Variants in NPAS3 observed in about 807,000 individuals in gnomAD.
NPAS3 encodes the protein neuronal PAS domain protein 3, also known as neuronal PAS domain-containing protein 3.
In NPAS3, 14 loss-of-function variants were observed where a neutral mutation model predicts 73.1. That is an observed-to-expected ratio of 0.19 (90% CI 0.13 to 0.30). NPAS3 has a LOEUF of 0.30. NPAS3 is among the 10% of genes least tolerant of loss of function. The pLI is 1.00. For synonymous variants in NPAS3, 620 were observed against 541.5 expected (o/e 1.14, Z -2.01); for missense variants, 1,096 against 1,250.0 (o/e 0.88, Z 1.86).
At chr14:33,251,444 G>A (rs1341857786) in intron 3 of NPAS3, among the ~76,000 whole-genome samples, 1 of 152,100 alleles carries the variant, frequency 6.6e-6, no homozygotes, top group African/African-American at 2.4e-5. Flanking sequence ...GGTGATGTCT[G>A]CACTGGGTAT....
At chr14:33,273,087 A>C (rs1272019861) in intron 3 of NPAS3, among the ~76,000 whole-genome samples, 1 of 152,012 alleles carries the variant, frequency 6.6e-6, no homozygotes, top group Non-Finnish European at 1.5e-5. Context: ...TGTGCCATTG[A>C]CTTCCTGATC....
intron 2 of NPAS3, among the ~76,000 whole-genome samples, chr14:33,128,747 T>C (rs1354478238): frequency 2.6e-5 from 4 of 152,136 alleles, no homozygotes; most frequent in Non-Finnish European, 5.9e-5. Flanking sequence ...ATTGAATACA[T>C]TGTGTTGCTT....
rs2059919129 is a variant in NPAS3 at position 33,680,936 on chromosome 14, A to AT, written c.733+4556dup. On this transcript the variant is annotated intron_variant, in intron 6 of 11. Transcript: ENST00000356141. ...TTAGGATCATCATTATAGTAGTATG[A>AT]TTTTTATGCTATTATACTTACGCTA... The AT allele has an allele frequency of 7.7e-6, 3 of 388,200 alleles. No homozygotes were observed. In the East Asian group the frequency reaches 1.3e-4, roughly 17 times the overall value. 24.0% of individuals were successfully genotyped at this position (388,200 alleles called of 1,614,324 possible).
At chr14:33,321,891 C>A (rs1455161290) in intron 3 of NPAS3, among the ~76,000 whole-genome samples, 1 of 152,036 alleles carries the variant, frequency 6.6e-6, no homozygotes, top group African/African-American at 2.4e-5. Context: ...GTCTCACAAA[C>A]AAAAATTCTG....
In NPAS3 at chr14:33,416,444, T is replaced by A. The variant is rs1358887829; in HGVS notation, c.468+49176T>A. On this transcript the variant is annotated intron_variant, in intron 4 of 11. Transcript: ENST00000356141. ...GTTTCTGGTAAGGGGTTTCTTTTTT[T>A]TTCTGTCTTAAATATCTTCAACACA... is the stretch of plus-strand genomic sequence containing the variant. 3.3e-5 allele frequency among the ~76,000 whole-genome samples: 5 copies of A among 152,048 alleles called. No homozygotes were observed. In the East Asian group the frequency reaches 9.7e-4, roughly 29 times the overall value.
intron 5 of NPAS3, among the ~76,000 whole-genome samples, chr14:33,652,883 TTCACCCCCATTTC>T (rs113113508): frequency 0.15 from 22,194 of 152,014 alleles, 1,909 homozygotes; most frequent in East Asian, 0.24. Context: ...GCTTGCTGTA[TTCACCCCCATTTC>T]TCACCCCCGT....
rs1218864963 is a variant in NPAS3 at position 33,565,087 on chromosome 14, G to A, written c.558+4877G>A. Among the ~76,000 whole-genome samples the A allele has an allele frequency of 2.6e-5, 4 of 152,202 alleles. No homozygotes were observed. The East Asian group carries it at 5.8e-4, about 22-fold the overall frequency. Reference sequence around the variant, plus strand: ...AGGTTACAAATTGGCTTGATTCAAGGCAGCTTGCTGAAAAGGGCAGGGTGG... The same window carrying A: ...AGGTTACAAATTGGCTTGATTCAAGACAGCTTGCTGAAAAGGGCAGGGTGG... On this transcript the variant is annotated intron_variant, in intron 5 of 11. Transcript: ENST00000356141.
chr14:33,540,517 C>T (rs1029808416), intron 4 of NPAS3, among the ~76,000 whole-genome samples: 2 of 152,158 alleles, frequency 1.3e-5, no homozygotes, highest in African/African-American at 4.8e-5. Context: ...AGCCACTAAG[C>T]CTTTTCCCTG....
intron 10 of NPAS3, 123 bp from the exon 11 acceptor site, chr14:33,797,334 T>C: frequency 9.5e-7 from 1 of 1,053,042 alleles, no homozygotes; most frequent in Non-Finnish European, 1.4e-6. Context: ...AATGATTTCA[T>C]GTTTAGTCTT....
At chr14:33,290,462 T>A (rs1375200751) in intron 3 of NPAS3, among the ~76,000 whole-genome samples, 2 of 152,198 alleles carry the variant, frequency 1.3e-5, no homozygotes, top group Admixed American at 1.3e-4. Context: ...CTTTATGGGA[T>A]GAATAGCATA....
chr14:32,968,090 G>T (rs1015121273), intron 1 of NPAS3, among the ~76,000 whole-genome samples: 1 of 152,114 alleles, frequency 6.6e-6, no homozygotes, highest in African/African-American at 2.4e-5. Flanking sequence ...GAGACTAGAG[G>T]GGCAGGGGAT....
At chr14:33,139,086 G>A (rs1329613998) in intron 2 of NPAS3, among the ~76,000 whole-genome samples, 1 of 152,066 alleles carries the variant, frequency 6.6e-6, no homozygotes, top group Non-Finnish European at 1.5e-5. Flanking sequence ...CCAGTGGTTG[G>A]GAACTTAAAA....
At chr14:33,016,819 T>G (rs1304455498) in intron 1 of NPAS3, among the ~76,000 whole-genome samples, 2 of 152,182 alleles carry the variant, frequency 1.3e-5, no homozygotes, top group East Asian at 1.9e-4. Flanking sequence ...TGTGTTCCTT[T>G]CATTCTCATA....
intron 4 of NPAS3, among the ~76,000 whole-genome samples, chr14:33,522,929 C>T (rs563495686): frequency 6.6e-6 from 1 of 152,082 alleles, no homozygotes; most frequent in African/African-American, 2.4e-5. Context: ...TAATATGGAA[C>T]TGTGTAATAT....
intron 4 of NPAS3, among the ~76,000 whole-genome samples, chr14:33,421,509 A>G (rs2048357100): frequency 6.6e-6 from 1 of 151,512 alleles, no homozygotes; most frequent in Non-Finnish European, 1.5e-5. Context: ...TAAAAACACA[A>G]TTAAGTTCTA....
At chr14:33,588,942 C>T (rs958512426) in intron 5 of NPAS3, among the ~76,000 whole-genome samples, 1 of 152,146 alleles carries the variant, frequency 6.6e-6, no homozygotes, top group African/African-American at 2.4e-5. Flanking sequence ...TATGATTAAG[C>T]TCACAAGGTG....
chr14:33,220,055 C>T (rs2047367056), intron 3 of NPAS3, among the ~76,000 whole-genome samples: 1 of 152,172 alleles, frequency 6.6e-6, no homozygotes, highest in African/African-American at 2.4e-5. Context: ...CAGTACATGG[C>T]CATGGACACC....
At chr14:33,685,659 G>C (rs1340719117) in intron 6 of NPAS3, among the ~76,000 whole-genome samples, 1 of 152,122 alleles carries the variant, frequency 6.6e-6, no homozygotes, top group African/African-American at 2.4e-5. Flanking sequence ...TCTAACTTTG[G>C]AAAATGGTAC....
At chr14:33,061,588 G>A (rs1000315501) in intron 2 of NPAS3, among the ~76,000 whole-genome samples, 3 of 152,146 alleles carry the variant, frequency 2.0e-5, no homozygotes, top group Admixed American at 2.0e-4. Flanking sequence ...GCATATGTTG[G>A]TAATGTGGAT....
Sources: allele counts gnomAD v4.1 joint callset (sites outside exome capture counted in the v4.1 genomes callset), GRCh38; gene constraint gnomAD v4.1.1; transcripts MANE v1.5; gene names NCBI Gene and HGNC (gene_info 2026-07-23, HGNC 2026-07-21).